The following PM20D1 variants were observed in gnomAD, a reference collection of about 807,000 sequenced individuals.
The protein encoded by PM20D1 is peptidase M20 domain containing 1, also known as N-fatty-acyl-amino acid synthase/hydrolase PM20D1.
In PM20D1, 53 loss-of-function variants were observed where a neutral mutation model predicts 53.8. That is an observed-to-expected ratio of 0.98 (90% CI 0.79 to 1.24). PM20D1 has a LOEUF of 1.24. Ranked by LOEUF, PM20D1 falls within the 50% of genes most tolerant of loss-of-function variation. PM20D1 has a pLI of 0.00. For missense variants in PM20D1, 564 were observed against 616.8 expected, an observed-to-expected ratio of 0.91 and a Z score of 0.91; for synonymous variants, 239 against 241.3, an observed-to-expected ratio of 0.99 and a Z score of 0.09.
At chr1:205,838,376 C>G (rs954206) in intron 10 of PM20D1, among the ~76,000 whole-genome samples, 1 of 152,098 alleles carries the variant, frequency 6.6e-6, no homozygotes, top group Non-Finnish European at 1.5e-5. Flanking sequence ...CACCCTTCAG[C>G]TTTCAGCTTA....
At chr1:205,832,883 G>C in intron 10 of PM20D1, 117 bp from the exon 11 acceptor site, 1 of 1,216,916 alleles carries the variant, frequency 8.2e-7, no homozygotes, top group Non-Finnish European at 1.1e-6. Context: ...TTACAGACAG[G>C]ACTTATTTTT....
chr1:205,838,006 A>C (rs901717849), intron 10 of PM20D1, among the ~76,000 whole-genome samples: 1 of 151,504 alleles, frequency 6.6e-6, no homozygotes, highest in Non-Finnish European at 1.5e-5. Context: ...CACTCCCCCA[A>C]CCCCCTCAAT....
chr1:205,844,906 C>G lies in PM20D1; in HGVS notation c.490-9G>C, dbSNP rs528442297. Reference sequence around the variant, plus strand: ...AAGGCCTGCAGTAATGCCTGGGGTTCAGAAGCACAATGGAAGAGGAAAAAG... The same window carrying G: ...AAGGCCTGCAGTAATGCCTGGGGTTGAGAAGCACAATGGAAGAGGAAAAAG... On this transcript the variant is annotated splice_polypyrimidine_tract_variant and intron_variant, in intron 3 of 12. Transcript: ENST00000367136. 2 of 1,611,506 alleles carry G rather than the reference C, an allele frequency of 1.2e-6. No individual in the cohort carries two copies. Among genetic ancestry groups the G allele is most frequent in the African/African-American group, 1.3e-5 (1 of 74,938 alleles).
intron 11 of PM20D1, among the ~76,000 whole-genome samples, chr1:205,831,704 C>T (rs1418210878): frequency 1.3e-5 from 2 of 151,876 alleles, no homozygotes; most frequent in Non-Finnish European, 2.9e-5. Flanking sequence ...GCTGGGACTA[C>T]AGGCGTGAGC....
At chr1:205,844,989 G>T in intron 3 of PM20D1, 92 bp from the exon 4 acceptor site, 1 of 1,092,060 alleles carries the variant, frequency 9.2e-7, no homozygotes. Flanking sequence ...TGTTATCAGG[G>T]CTGGTGGGAT....
At chr1:205,844,587 T>C (rs780265951) in intron 4 of PM20D1, among the ~76,000 whole-genome samples, 11 of 152,206 alleles carry the variant, frequency 7.2e-5, no homozygotes, top group Non-Finnish European at 1.6e-4. Flanking sequence ...GCCTCAGATA[T>C]TATGAAGGAG....
Position 205,850,085 on chromosome 1 carries a change from C to G in PM20D1, c.-13G>C. 1 of 1,608,786 alleles carries G rather than the reference C, an allele frequency of 6.2e-7. No homozygotes were observed. ...ACCGCTGAGCCATGCTTCTCTCGAG[C>G]TCCTGCTGTCAGGCTACCGGGGTAG... On this transcript the variant is annotated 5_prime_UTR_variant, in exon 1 of 13. Transcript: ENST00000367136.
At chr1:205,846,536 TATTAA>T (rs1383491907) in intron 2 of PM20D1, among the ~76,000 whole-genome samples, 3 of 152,214 alleles carry the variant, frequency 2.0e-5, no homozygotes, top group Non-Finnish European at 4.4e-5. Context: ...AACCAAATTA[TATTAA>T]ATTATTATAT....
At chr1:205,847,700 C>G (rs1383074868) in intron 2 of PM20D1, among the ~76,000 whole-genome samples, 185 bp downstream of exon 2, 1 of 151,920 alleles carries the variant, frequency 6.6e-6, no homozygotes, top group African/African-American at 2.4e-5. Flanking sequence ...GATGAACTCT[C>G]AATCTTTGCC....
chr1:205,835,669 AAAAAAAAG>A (rs1373833242), intron 10 of PM20D1, among the ~76,000 whole-genome samples: 171 of 151,126 alleles, frequency 1.1e-3, no homozygotes, highest in African/African-American at 4.1e-3. Flanking sequence ...AAAAAAAAAA[AAAAAAAAG>A]GTGTAATGTG....
Position 205,832,688 on chromosome 1 carries a change from C to G in PM20D1, c.1195G>C (p.Val399Leu). 1.9e-6 allele frequency: 3 copies of G among 1,613,904 alleles called. No individual in the cohort carries two copies. The highest frequency in any genetic ancestry group is 2.5e-6 in the Non-Finnish European group (3 of 1,179,926). Residue 399 changes from valine to leucine, a missense_variant, in exon 11 of 13, where the codon GTC (valine) becomes CTC (leucine). By Grantham distance (32) the Val-to-Leu change is conservative. Transcript: ENST00000367136. ...HVLSAFDPLP[V>L]SPSDDKALGY... ...AAGGCCTTGTCATCAGAAGGGCTGA[C>G]GGGGAGGGGGTCAAAGGCACTCAAC...
chr1:205,835,939 G>T (rs1358494794), intron 10 of PM20D1, among the ~76,000 whole-genome samples: 1 of 151,890 alleles, frequency 6.6e-6, no homozygotes, highest in Admixed American at 6.5e-5. Flanking sequence ...GCAATGGTGT[G>T]ATCTTGGCTC....
In PM20D1 at chr1:205,845,449, A is replaced by C; in HGVS notation, c.365T>G (p.Leu122Arg). 2 of 1,614,172 alleles carry C rather than the reference A, an allele frequency of 1.2e-6. No individual in the cohort carries two copies. The highest frequency in any genetic ancestry group is 2.2e-5 in the South Asian group (2 of 91,088). Residue 122 changes from leucine to arginine, a missense_variant, in exon 3 of 13, where the codon CTG becomes CGG. Coordinates refer to ENST00000367136, the MANE Select transcript of PM20D1 (RefSeq NM_152491.5). ...AGGCACCACATCAAAGTGAGCCATC[A>C]GCAGGTAGGGCTGCAAGCTGGGGTC... ...GSDPSLQPYLLMAHFDVVPAP... is the reference protein window; with the variant it reads ...GSDPSLQPYLRMAHFDVVPAP...
intron 10 of PM20D1, among the ~76,000 whole-genome samples, chr1:205,835,879 G>A (rs1013074922): frequency 1.3e-5 from 2 of 151,582 alleles, no homozygotes; most frequent in South Asian, 4.2e-4. Context: ...CTGATCTCCT[G>A]TTCTTTTTTT....
intron 10 of PM20D1, among the ~76,000 whole-genome samples, chr1:205,835,225 A>G (rs1175910773): frequency 1.3e-5 from 2 of 152,198 alleles, no homozygotes; most frequent in African/African-American, 2.4e-5. Flanking sequence ...AGACAAGGTA[A>G]CAGATCGTCT....
At chr1:205,828,783 C>T (rs1162394566) in intron 12 of PM20D1, 40 bp from the exon 13 acceptor site, 1 of 1,610,572 alleles carries the variant, frequency 6.2e-7, no homozygotes, top group South Asian at 1.1e-5. Flanking sequence ...GAGGGGAGGG[C>T]CAAGTGCCAC....
At chr1:205,845,139 C>G (rs535016123) in intron 3 of PM20D1, among the ~76,000 whole-genome samples, 186 bp downstream of exon 3, 30 of 152,248 alleles carry the variant, frequency 2.0e-4, no homozygotes, top group Non-Finnish European at 4.0e-4. Context: ...GGGGACCATT[C>G]AATCCCATTT....
At chr1:205,833,985 T>C (rs1469975636) in intron 10 of PM20D1, among the ~76,000 whole-genome samples, 34 of 138,580 alleles carry the variant, frequency 2.5e-4, no homozygotes, top group East Asian at 1.1e-3. Context: ...GTAGCTGGGA[T>C]TACAGGCATG....
At position 205,842,461 on chromosome 1, in the gene PM20D1, C is replaced by T. The variant is rs578136645; in HGVS notation, c.903+215G>A. 2.0e-5 allele frequency among the ~76,000 whole-genome samples: 3 copies of T among 152,272 alleles called. No individual in the cohort carries two copies. The South Asian group carries it at 6.2e-4, about 32-fold the overall frequency. On this transcript the variant is annotated intron_variant, in intron 7 of 12. Transcript: ENST00000367136. ...TCAAGGATAAGTGGGAACCAGCTCCCAAAGGGTAGATTAGGTCTTAGGGTC... is the reference window on the plus strand; with the variant it reads ...TCAAGGATAAGTGGGAACCAGCTCCTAAAGGGTAGATTAGGTCTTAGGGTC...
Sources: allele counts gnomAD v4.1 joint callset (sites outside exome capture counted in the v4.1 genomes callset), GRCh38; gene constraint gnomAD v4.1.1; transcripts MANE v1.5; gene names NCBI Gene and HGNC (gene_info 2026-07-23, HGNC 2026-07-21).